PPEF1: variants seen among roughly 807,000 people sequenced by gnomAD.
The protein encoded by PPEF1 is protein phosphatase with EF-hand domain 1.
Under a neutral mutation model 53.3 loss-of-function variants are expected in PPEF1, and 12 were observed. The ratio of observed to expected loss-of-function variants is 0.23; its 90% CI spans 0.14 to 0.36. PPEF1 has a LOEUF of 0.36. Ranked by LOEUF, PPEF1 falls within the 10% of genes least tolerant of loss-of-function variation. The probability of loss-of-function intolerance (pLI) is 1.00; values close to 1 mark genes in which losing one functional copy is unlikely to be tolerated. For synonymous variants in PPEF1, 165 were observed against 176.7 expected (o/e 0.93, Z 0.52); for missense variants, 334 against 490.4 (o/e 0.68, Z 3.01).
intron 6 of PPEF1, among the ~76,000 whole-genome samples, chrX:18,777,527 TTTC>T (rs1270213453): frequency 1.8e-5 from 2 of 111,414 alleles, no homozygotes; most frequent in African/African-American, 6.5e-5. Flanking sequence ...TTTCTTTTTT[TTTC>T]CTCTTTTGAG....
intron 10 of PPEF1, 126 bp downstream of exon 10, chrX:18,789,399 T>G: frequency 7.6e-6 from 5 of 655,063 alleles, no homozygotes; most frequent in Non-Finnish European, 1.1e-5. Flanking sequence ...TTGGAATTCA[T>G]CACTATATTT....
upstream of PPEF1, among the ~76,000 whole-genome samples, chrX:18,675,626 C>G (rs1334669550): frequency 8.9e-6 from 1 of 112,442 alleles, no homozygotes; most frequent in African/African-American, 3.2e-5. Context: ...GACGTGTAGA[C>G]GGGGCCACCC....
At chrX:18,754,682 T>C (rs887840329) in intron 4 of PPEF1, among the ~76,000 whole-genome samples, 2 of 111,845 alleles carry the variant, frequency 1.8e-5, no homozygotes, top group Non-Finnish European at 3.8e-5. Flanking sequence ...ACTGAAGCCT[T>C]GACCTCCTGG....
chrX:18,804,756 ACTTTTTACATGTTCC>A (rs1842460719), intron 11 of PPEF1, among the ~76,000 whole-genome samples: 1 of 111,956 alleles, frequency 8.9e-6, no homozygotes. Context: ...TTGCTCTTGC[ACTTTTTACATGTTCC>A]CTGTGCAGGG....
At chrX:18,725,919 T>C (rs942241066) in intron 1 of PPEF1, among the ~76,000 whole-genome samples, 1 of 110,265 alleles carries the variant, frequency 9.1e-6, no homozygotes, top group African/African-American at 3.3e-5. Context: ...AAACAGCAGC[T>C]CCTCCCTTGG....
intron 12 of PPEF1, 32 bp downstream of exon 12, chrX:18,806,577 T>G: frequency 6.9e-6 from 8 of 1,161,941 alleles, no homozygotes; most frequent in Non-Finnish European, 9.2e-6. Flanking sequence ...TGCTGAGCAC[T>G]GGTATCACGG....
At chrX:18,762,142 A>G (rs756929329) in intron 6 of PPEF1, among the ~76,000 whole-genome samples, 1 of 111,050 alleles carries the variant, frequency 9.0e-6, no homozygotes, top group East Asian at 2.8e-4. Flanking sequence ...GCCAGCATGG[A>G]TTTTCTCTGC....
intron 10 of PPEF1, among the ~76,000 whole-genome samples, chrX:18,799,227 C>T (rs1483703680): frequency 8.1e-5 from 8 of 98,546 alleles, no homozygotes; most frequent in South Asian, 4.9e-4. Context: ...AGCAAGACCC[C>T]GTCTCAAAAA....
chrX:18,778,624 T>C (rs1292571916), intron 6 of PPEF1, among the ~76,000 whole-genome samples: 1 of 111,605 alleles, frequency 9.0e-6, no homozygotes, highest in Non-Finnish European at 1.9e-5. Context: ...AATAAAGGAT[T>C]TCTGGCTCGT....
At chrX:18,776,016 G>T (rs2045959234) in intron 6 of PPEF1, among the ~76,000 whole-genome samples, 3 of 111,679 alleles carry the variant, frequency 2.7e-5, no homozygotes, top group South Asian at 3.7e-4. Context: ...ATCCCCTCAG[G>T]CCTAGTTCTT....
At chrX:18,827,137 C>G (rs1378938175) in intron 15 of PPEF1, 139 bp from the exon 16 acceptor site, 2 of 476,261 alleles carry the variant, frequency 4.2e-6, no homozygotes, top group Non-Finnish European at 7.2e-6. Flanking sequence ...TCTTACTCTT[C>G]CATATCCTTC....
intron 1 of PPEF1, among the ~76,000 whole-genome samples, chrX:18,716,916 C>T (rs775354449): frequency 9.0e-6 from 1 of 110,561 alleles, no homozygotes; most frequent in African/African-American, 3.3e-5. Context: ...AGTCCATTGT[C>T]CCTCTAAGAC....
chrX:18,707,137 T>C (rs1602362710), upstream of PPEF1, among the ~76,000 whole-genome samples: 2 of 111,390 alleles, frequency 1.8e-5, no homozygotes, highest in East Asian at 2.8e-4. Context: ...GCCTCCTTTT[T>C]TTTAAAACAA....
chrX:18,684,320 C>G (rs1365791904), intron 1 of PPEF1, among the ~76,000 whole-genome samples: 1 of 111,617 alleles, frequency 9.0e-6, no homozygotes, highest in Non-Finnish European at 1.9e-5. Context: ...TAGGATGTTA[C>G]TAGATCTGAA....
chrX:18,684,339 C>G (rs73456575), intron 1 of PPEF1, among the ~76,000 whole-genome samples: 2,705 of 111,148 alleles, frequency 0.024, 87 homozygotes, highest in African/African-American at 0.082. Flanking sequence ...AATTTGGGCC[C>G]GGTCTCCTTT....
intron 9 of PPEF1, among the ~76,000 whole-genome samples, chrX:18,785,008 C>A (rs1280055631): frequency 9.0e-6 from 1 of 111,561 alleles, no homozygotes; most frequent in East Asian, 2.8e-4. Flanking sequence ...GAAACCTGAA[C>A]TGTTACCCCT....
In PPEF1 at chrX:18,787,768, A is replaced by G. The variant is rs114686378; in HGVS notation, c.913-1353A>G. Among the ~76,000 whole-genome samples, 62 of 103,724 alleles carry G rather than the reference A, an allele frequency of 6.0e-4. 1 individual carries two copies. Among genetic ancestry groups the G allele is most frequent in the East Asian group, 3.3e-3 (11 of 3,379 alleles). The allele number at this position is 103,724 out of a possible 115,157, so 90.1% of individuals were successfully genotyped here. On this transcript the variant is annotated intron_variant, in intron 9 of 15. Coordinates refer to ENST00000470157, the MANE Select transcript of PPEF1 (RefSeq NM_001377996.1). ...GACCCCATCTTTACAAAAAAAAAAAAAAAGAAAGAAAGAAAAAGGGAAAAA... is the reference window on the plus strand; with the variant it reads ...GACCCCATCTTTACAAAAAAAAAAAGAAAGAAAGAAAGAAAAAGGGAAAAA...
At chrX:18,826,632 G>A (rs1282540506) in intron 15 of PPEF1, among the ~76,000 whole-genome samples, 3 of 108,266 alleles carry the variant, frequency 2.8e-5, no homozygotes, top group African/African-American at 1.0e-4. Context: ...CTCCATGTTG[G>A]TCAGGCTGGT....
At chrX:18,804,110 A>C in intron 11 of PPEF1, 33 bp downstream of exon 11, 1 of 1,124,920 alleles carries the variant, frequency 8.9e-7, no homozygotes, top group Non-Finnish European at 1.2e-6. Flanking sequence ...ATTCCCATAA[A>C]CATCCTTCCC....
Sources: allele counts gnomAD v4.1 joint callset (sites outside exome capture counted in the v4.1 genomes callset), GRCh38; gene constraint gnomAD v4.1.1; transcripts MANE v1.5; gene names NCBI Gene and HGNC (gene_info 2026-07-23, HGNC 2026-07-21).